SFMBT1: variants seen among roughly 807,000 people sequenced by gnomAD.
SFMBT1 encodes scm-like with four MBT domains protein 1.
SFMBT1 carries 32 observed loss-of-function variants against 108.7 expected under a neutral mutation model. That is an observed-to-expected ratio of 0.29 (90% CI 0.22 to 0.40). The LOEUF (loss-of-function observed/expected upper bound fraction) is 0.40. Among genes scored for constraint, SFMBT1 ranks in the 10% least tolerant of loss-of-function variants. SFMBT1 has a pLI of 1.00. For synonymous variants in SFMBT1, 348 were observed against 369.5 expected, an observed-to-expected ratio of 0.94 and a Z score of 0.67; for missense variants, 816 against 1,059.6, an observed-to-expected ratio of 0.77 and a Z score of 3.19.
chr3:53,026,886 G>A (rs971236975), intron 1 of SFMBT1, among the ~76,000 whole-genome samples: 1 of 152,200 alleles, frequency 6.6e-6, no homozygotes, highest in Non-Finnish European at 1.5e-5. Flanking sequence ...CTGCAGCCTC[G>A]ACCTCCTGGG....
At chr3:53,036,005 T>C (rs1699858862) in intron 1 of SFMBT1, among the ~76,000 whole-genome samples, 1 of 152,262 alleles carries the variant, frequency 6.6e-6, no homozygotes, top group Non-Finnish European at 1.5e-5. Flanking sequence ...TTCCTTTTCC[T>C]TGGCAAGGTT....
chr3:52,951,566 G>GTCA (rs1703594213), intron 3 of SFMBT1, among the ~76,000 whole-genome samples: 1 of 151,042 alleles, frequency 6.6e-6, no homozygotes. Context: ...ACAGGTGCTT[G>GTCA]CTACGACTGG....
At chr3:52,929,811 T>C (rs1348141805) in intron 8 of SFMBT1, among the ~76,000 whole-genome samples, 1 of 152,238 alleles carries the variant, frequency 6.6e-6, no homozygotes, top group Non-Finnish European at 1.5e-5. Context: ...ATGCCTCAGT[T>C]GTAGTGACTG....
At chr3:52,987,234 G>A (rs1254059031) in intron 1 of SFMBT1, among the ~76,000 whole-genome samples, 1 of 151,950 alleles carries the variant, frequency 6.6e-6, no homozygotes, top group African/African-American at 2.4e-5. Flanking sequence ...ATAAATAAAA[G>A]GCATATACTC....
chr3:52,969,067 C>A lies in SFMBT1; in HGVS notation c.28+34G>T, dbSNP rs1282567948. On this transcript the variant is annotated intron_variant, in intron 2 of 20. Coordinates refer to ENST00000394752, the MANE Select transcript of SFMBT1 (RefSeq NM_016329.4). Reference sequence around the variant, plus strand: ...ACAGGCAAGTAATATAATTGTGCATCCTAGAGAATAAATTCTGAGAATAAA... The same window carrying A: ...ACAGGCAAGTAATATAATTGTGCATACTAGAGAATAAATTCTGAGAATAAA... 1.9e-6 allele frequency: 3 copies of A among 1,611,704 alleles called. No homozygotes were observed. The South Asian group carries it at 3.3e-5, about 18-fold the overall frequency.
rs562704386 is a variant in SFMBT1 at position 52,932,199 on chromosome 3, A to G, written c.563T>C (p.Ile188Thr). The change falls in exon 6 of 21, where the codon ATT becomes ACT. Residue 188 changes from isoleucine (I) to threonine (T), a missense_variant. This residue lies in a region of SFMBT1 where 495 missense variants were observed against 607.4 expected (regional missense o/e 0.81). Coordinates refer to ENST00000394752, the MANE Select transcript of SFMBT1 (RefSeq NM_016329.4). ...ATAACGTAGCTTCAGCCTTCCTCCA[A>G]TGTTTTCTACTACAGTAACAATCCA... Reference protein sequence around the residue: ...STWIVTVVENIGGRLKLRYEG... With the variant: ...STWIVTVVENTGGRLKLRYEG... The G allele has an allele frequency of 6.8e-6, 11 of 1,614,208 alleles. No individual in the cohort carries two copies. The highest frequency in any genetic ancestry group is 6.7e-5 in the African/African-American group (5 of 75,054).
At chr3:53,022,449 C>CAAAAAA (rs34744052) in intron 1 of SFMBT1, among the ~76,000 whole-genome samples, 1 of 40,644 alleles carries the variant, frequency 2.5e-5, no homozygotes. Context: ...GGTGCTGTCT[C>CAAAAAA]AAAAAAAAAA....
intron 1 of SFMBT1, among the ~76,000 whole-genome samples, chr3:52,969,519 A>G (rs1704268630): frequency 1.3e-5 from 2 of 152,232 alleles, no homozygotes; most frequent in African/African-American, 2.4e-5. Context: ...ACAACAAAGT[A>G]AGATGCATAT....
chr3:52,947,995 G>A (rs1419226650), intron 3 of SFMBT1, among the ~76,000 whole-genome samples: 6 of 151,924 alleles, frequency 3.9e-5, no homozygotes, highest in Non-Finnish European at 8.8e-5. Context: ...TCGGCCTCCC[G>A]AAGTGCTGGG....
At chr3:52,941,584 ACT>A (rs1407435049) in intron 4 of SFMBT1, among the ~76,000 whole-genome samples, 1 of 72,984 alleles carries the variant, frequency 1.4e-5, no homozygotes, top group Non-Finnish European at 2.5e-5. Context: ...ACAGAGTGAG[ACT>A]CTGTTTCAAA....
At chr3:53,012,420 C>T (rs954992084) in intron 1 of SFMBT1, among the ~76,000 whole-genome samples, 17 of 151,094 alleles carry the variant, frequency 1.1e-4, no homozygotes, top group Middle Eastern at 3.4e-3. Flanking sequence ...TTTTTTTTCC[C>T]GAGACGGAGT....
At chr3:52,995,014 G>A in intron 1 of SFMBT1, among the ~76,000 whole-genome samples, 2 of 132,698 alleles carry the variant, frequency 1.5e-5, no homozygotes, top group Admixed American at 7.8e-5. Context: ...AAGAAAGAAA[G>A]AAAGAAAGAA....
chr3:52,991,470 G>A (rs1046715563), intron 1 of SFMBT1, among the ~76,000 whole-genome samples: 3 of 150,902 alleles, frequency 2.0e-5, no homozygotes, highest in South Asian at 2.1e-4. Flanking sequence ...TCAGCCTCCC[G>A]AGTAGCTGGG....
chr3:53,038,237 A>G (rs1224451254), intron 1 of SFMBT1, among the ~76,000 whole-genome samples: 6 of 152,192 alleles, frequency 3.9e-5, no homozygotes, highest in Non-Finnish European at 5.9e-5. Context: ...CCTACCCTGT[A>G]TCTCCTCCCC....
intron 3 of SFMBT1, among the ~76,000 whole-genome samples, chr3:52,945,940 T>C (rs1241362210): frequency 6.6e-6 from 1 of 152,180 alleles, no homozygotes; most frequent in East Asian, 1.9e-4. Context: ...TCTTATTAAC[T>C]TCAAAGGGGA....
intron 1 of SFMBT1, among the ~76,000 whole-genome samples, chr3:52,986,669 G>A (rs913588634): frequency 2.0e-5 from 3 of 150,576 alleles, no homozygotes; most frequent in Non-Finnish European, 4.4e-5. Flanking sequence ...CCAGCTACTC[G>A]GGAGGTTGAG....
intron 1 of SFMBT1, among the ~76,000 whole-genome samples, chr3:52,984,780 TATA>T: frequency 6.9e-6 from 1 of 145,240 alleles, no homozygotes; most frequent in East Asian, 2.1e-4. Flanking sequence ...CTATTCATAC[TATA>T]ATGATTCATA....
intron 2 of SFMBT1, among the ~76,000 whole-genome samples, chr3:52,962,561 T>C (rs1344035639): frequency 6.6e-6 from 1 of 152,026 alleles, no homozygotes; most frequent in Non-Finnish European, 1.5e-5. Flanking sequence ...ATACTAGCAC[T>C]TTGGGAGGCC....
chr3:53,045,425 C>T (rs112661572), intron 1 of SFMBT1, among the ~76,000 whole-genome samples: 1 of 142,998 alleles, frequency 7.0e-6, no homozygotes, highest in Admixed American at 6.9e-5. Context: ...GGAACTTGGG[C>T]GCCCGCCACT....
Sources: gnomAD v4.1 joint callset for allele counts (sites outside exome capture counted in the v4.1 genomes callset) on GRCh38, gnomAD v4.1.1 for gene constraint, gnomAD v4.1.1 regional missense constraint, MANE v1.5 for transcripts, NCBI Gene and HGNC (gene_info 2026-07-23, HGNC 2026-07-21) for gene names.